The following PCDH9 variants were observed in gnomAD, a reference collection of about 807,000 sequenced individuals.
The protein encoded by PCDH9 is protocadherin-9.
In PCDH9, 24 loss-of-function variants were observed where a neutral mutation model predicts 70.6. The ratio of observed to expected loss-of-function variants is 0.34; its 90% CI spans 0.25 to 0.48. PCDH9 has a LOEUF of 0.48. PCDH9 is among the 20% of genes least tolerant of loss of function. The pLI is 0.99. For missense variants in PCDH9, 1,281 were observed against 1,503.6 expected (o/e 0.85, Z 2.45); for synonymous variants, 562 against 558.5 (o/e 1.01, Z -0.09).
At chr13:66,989,882 C>T (rs1222677933) in intron 2 of PCDH9, among the ~76,000 whole-genome samples, 1 of 151,820 alleles carries the variant, frequency 6.6e-6, no homozygotes, top group Non-Finnish European at 1.5e-5. Context: ...TTTACCTGCA[C>T]TGTAGAACAA....
chr13:67,196,589 CTA>C (rs1382369774), intron 2 of PCDH9, among the ~76,000 whole-genome samples: 1 of 152,014 alleles, frequency 6.6e-6, no homozygotes, highest in African/African-American at 2.4e-5. Context: ...ATGACAAATA[CTA>C]TTAAATATTA....
intron 3 of PCDH9, among the ~76,000 whole-genome samples, chr13:66,891,382 C>T (rs755365727): frequency 1.4e-4 from 22 of 152,014 alleles, no homozygotes; most frequent in South Asian, 2.1e-4. Flanking sequence ...TATAACTAGG[C>T]GGATAAATGA....
chr13:67,024,897 T>C (rs943315043), intron 2 of PCDH9, among the ~76,000 whole-genome samples: 1 of 152,112 alleles, frequency 6.6e-6, no homozygotes, highest in Non-Finnish European at 1.5e-5. Context: ...GATGAAGGAG[T>C]GACGTTCTGA....
At chr13:67,100,322 T>C (rs967943097) in intron 2 of PCDH9, among the ~76,000 whole-genome samples, 1 of 152,220 alleles carries the variant, frequency 6.6e-6, no homozygotes, top group African/African-American at 2.4e-5. Context: ...TACTGGGGAC[T>C]GTGCAATGGT....
At chr13:66,686,722 A>C (rs1236426484) in intron 3 of PCDH9, among the ~76,000 whole-genome samples, 2 of 152,124 alleles carry the variant, frequency 1.3e-5, no homozygotes, top group Non-Finnish European at 2.9e-5. Context: ...TTGGTGAGTG[A>C]ATAATTTTCT....
intron 3 of PCDH9, among the ~76,000 whole-genome samples, chr13:66,698,918 GTT>G (rs2078599478): frequency 1.4e-5 from 1 of 71,106 alleles, no homozygotes; most frequent in Non-Finnish European, 2.6e-5. Context: ...TTTTTTTTTT[GTT>G]GTTGTTGTTG....
chr13:66,941,988 TA>T lies in PCDH9; in HGVS notation c.3037-38384del, dbSNP rs1452617987. Among the ~76,000 whole-genome samples, 9 of 151,896 alleles carry T rather than the reference TA, an allele frequency of 5.9e-5. No homozygotes were observed. The South Asian group carries it at 1.9e-3, about 31-fold the overall frequency. On this transcript the variant is annotated intron_variant, in intron 2 of 4. Coordinates refer to ENST00000377865, the MANE Select transcript of PCDH9 (RefSeq NM_203487.3). ...GTATATTATCTGATCACAATGGGAT[TA>T]AATAAAAATCAGCGACAGAAGGACT...
intron 3 of PCDH9, among the ~76,000 whole-genome samples, chr13:66,714,654 T>C (rs1333527121): frequency 2.0e-5 from 3 of 152,050 alleles, no homozygotes; most frequent in African/African-American, 7.2e-5. Flanking sequence ...AAACTATGAG[T>C]TAAGTTGAGA....
intron 3 of PCDH9, among the ~76,000 whole-genome samples, chr13:66,803,137 A>C (rs1396585588): frequency 6.6e-6 from 1 of 152,182 alleles, no homozygotes; most frequent in African/African-American, 2.4e-5. Flanking sequence ...TTATGATGTC[A>C]GCCTCTCTAG....
chr13:66,808,264 C>T (rs1422692265), intron 3 of PCDH9, among the ~76,000 whole-genome samples: 2 of 152,058 alleles, frequency 1.3e-5, no homozygotes, highest in African/African-American at 4.8e-5. Flanking sequence ...GAAAGTAGGG[C>T]TGCTGACACT....
At chr13:66,918,153 C>A (rs551687672) in intron 2 of PCDH9, among the ~76,000 whole-genome samples, 14 of 150,924 alleles carry the variant, frequency 9.3e-5, no homozygotes, top group African/African-American at 1.2e-4. Flanking sequence ...GTACAAGTTG[C>A]GAAGATACAG....
chr13:66,531,249 AATAG>A (rs1306153846), intron 4 of PCDH9, among the ~76,000 whole-genome samples: 2 of 152,068 alleles, frequency 1.3e-5, no homozygotes, highest in Non-Finnish European at 2.9e-5. Context: ...ACTCTCCGAT[AATAG>A]ATAGCTCCAC....
chr13:67,069,835 T>C (rs2085724588), intron 2 of PCDH9, among the ~76,000 whole-genome samples: 1 of 152,164 alleles, frequency 6.6e-6, no homozygotes, highest in Non-Finnish European at 1.5e-5. Context: ...GCTCTGCTTC[T>C]CATAAAAATC....
intron 3 of PCDH9, among the ~76,000 whole-genome samples, chr13:66,686,177 T>A (rs2078398866): frequency 6.6e-6 from 1 of 152,132 alleles, no homozygotes; most frequent in African/African-American, 2.4e-5. Flanking sequence ...CCATGTGTCA[T>A]GAGAGGGACC....
chr13:66,763,498 T>C (rs932902390), intron 3 of PCDH9, among the ~76,000 whole-genome samples: 1 of 152,114 alleles, frequency 6.6e-6, no homozygotes, highest in South Asian at 2.1e-4. Flanking sequence ...CCAAATATTT[T>C]ATACCTGTAA....
chr13:66,337,548 G>A (rs1474853997), intron 4 of PCDH9, among the ~76,000 whole-genome samples: 3 of 151,862 alleles, frequency 2.0e-5, no homozygotes, highest in Non-Finnish European at 4.4e-5. Context: ...TGTATTTCCA[G>A]TATTTCCACC....
At position 66,960,003 on chromosome 13, in the gene PCDH9, A is replaced by G. The variant is rs115788519; in HGVS notation, c.3037-56398T>C. 4.4e-3 allele frequency among the ~76,000 whole-genome samples: 664 copies of G among 152,248 alleles called. 8 individuals carry two copies. The highest frequency in any genetic ancestry group is 0.015 in the African/African-American group (634 of 41,544). On this transcript the variant is annotated intron_variant, in intron 2 of 4. Coordinates refer to ENST00000377865, the MANE Select transcript of PCDH9 (RefSeq NM_203487.3). Reference sequence around the variant, plus strand: ...AAAACAGCATCTAACAAATCAGAATACTTATTAGGGAGAAATTTTGACACG... The same window carrying G: ...AAAACAGCATCTAACAAATCAGAATGCTTATTAGGGAGAAATTTTGACACG...
At chr13:67,157,248 A>G (rs555146585) in intron 2 of PCDH9, among the ~76,000 whole-genome samples, 40 of 152,180 alleles carry the variant, frequency 2.6e-4, no homozygotes, top group Non-Finnish European at 4.7e-4. Flanking sequence ...AACGGTTTGC[A>G]TATATTTCAC....
chr13:66,572,502 T>G (rs1362680350), intron 4 of PCDH9, among the ~76,000 whole-genome samples: 1 of 152,142 alleles, frequency 6.6e-6, no homozygotes, highest in Non-Finnish European at 1.5e-5. Flanking sequence ...CTTAACATAA[T>G]GTCCTCCAGG....
Sources: allele counts gnomAD v4.1 joint callset (sites outside exome capture counted in the v4.1 genomes callset), GRCh38; gene constraint gnomAD v4.1.1; transcripts MANE v1.5; gene names NCBI Gene and HGNC (gene_info 2026-07-23, HGNC 2026-07-21).